Variants in ENAH observed in about 807,000 individuals in gnomAD.
ENAH encodes ENAH actin regulator, also known as protein enabled homolog.
ENAH carries 23 observed loss-of-function variants against 78.7 expected under a neutral mutation model. The observed-to-expected ratio is 0.29, with a 90% CI of 0.21 to 0.41. The LOEUF (loss-of-function observed/expected upper bound fraction) is 0.41, where lower values mean the gene tolerates loss of function less well. ENAH is among the 10% of genes least tolerant of loss of function. The pLI is 1.00. For missense variants in ENAH, 544 were observed against 691.0 expected, an observed-to-expected ratio of 0.79 and a Z score of 2.39; for synonymous variants, 226 against 241.0, an observed-to-expected ratio of 0.94 and a Z score of 0.58.
At chr1:225,519,139 A>C (rs926659967) in intron 5 of ENAH, 59 bp downstream of exon 5, 1 of 1,582,088 alleles carries the variant, frequency 6.3e-7, no homozygotes, top group Non-Finnish European at 8.6e-7. Flanking sequence ...ACATGACTGC[A>C]CAAGAGACAT....
chr1:225,607,528 A>C (rs1469096042), intron 1 of ENAH, among the ~76,000 whole-genome samples: 6 of 152,158 alleles, frequency 3.9e-5, no homozygotes, highest in Admixed American at 1.3e-4. Flanking sequence ...AAAAAAAAAA[A>C]AAAAACACCT....
In ENAH at chr1:225,487,038, T is replaced by C. The variant is rs747820326; in HGVS notation, c.*10737A>G. 5.2e-5 allele frequency: 8 copies of C among 152,666 alleles called. No homozygotes were observed. Among genetic ancestry groups the C allele is most frequent in the Non-Finnish European group, 8.8e-5 (6 of 68,050 alleles). The allele number at this position is 152,666 out of a possible 1,614,324, so 9.5% of individuals were successfully genotyped here. On this transcript the variant is annotated 3_prime_UTR_variant, in exon 14 of 14. Transcript: ENST00000366843. Reference sequence around the variant, plus strand: ...ACATGAGTCCAGTGACTTCAGCAGGTCCACTGATCCACCACAGTGACAGGG... The same window carrying C: ...ACATGAGTCCAGTGACTTCAGCAGGCCCACTGATCCACCACAGTGACAGGG...
chr1:225,512,214 G>A (rs1764347), intron 9 of ENAH, among the ~76,000 whole-genome samples: 14,030 of 152,298 alleles, frequency 0.092, 810 homozygotes, highest in South Asian at 0.25. Flanking sequence ...ACAAAGCAGA[G>A]TTTGCCCAGC....
intron 1 of ENAH, among the ~76,000 whole-genome samples, chr1:225,599,796 TAAAAA>T (rs34052384): frequency 2.4e-5 from 2 of 83,006 alleles, no homozygotes; most frequent in Non-Finnish European, 4.6e-5. Flanking sequence ...GACTCCGTCT[TAAAAA>T]AAAAAAAAAA....
rs2096247575 is a variant in ENAH at position 225,495,796 on chromosome 1, T to G, written c.*1979A>C. ...TAATAAGCTTGCTGCATCTTTGATG[T>G]TTTTACTACTACTGCATGACAATGA... On this transcript the variant is annotated 3_prime_UTR_variant, in exon 14 of 14. Transcript: ENST00000366843. 6.6e-6 allele frequency: 1 copy of G among 152,600 alleles called. No individual in the cohort carries two copies. The highest frequency in any genetic ancestry group is 2.4e-5 in the African/African-American group (1 of 41,446). 9.5% of individuals were successfully genotyped at this position (152,600 alleles called of 1,614,324 possible). A position where few individuals can be genotyped will look rare whatever the true frequency, so the allele number is the denominator to read the frequency against.
chr1:225,633,816 CA>C (rs1489323340), intron 1 of ENAH, among the ~76,000 whole-genome samples: 3 of 152,124 alleles, frequency 2.0e-5, no homozygotes, highest in Non-Finnish European at 4.4e-5. Flanking sequence ...TGTGAACAAA[CA>C]TTACCCAAAG....
Position 225,488,536 on chromosome 1 carries a change from T to C in ENAH, c.*9239A>G, listed in dbSNP as rs2096209221. On this transcript the variant is annotated 3_prime_UTR_variant, in exon 14 of 14. Transcript: ENST00000366843. ...CTCAAAAATTAAAAAAAAAATTCTA[T>C]GCAAATATGTAAGTACTGTCATTGA... 1 of 152,190 alleles carries C rather than the reference T, an allele frequency of 6.6e-6. No individual in the cohort carries two copies. Among genetic ancestry groups the C allele is most frequent in the African/African-American group, 2.4e-5 (1 of 41,452 alleles). The allele number at this position is 152,190 out of a possible 1,614,324, so 9.4% of individuals were successfully genotyped here. A position where few individuals can be genotyped will look rare whatever the true frequency, so the allele number is the denominator to read the frequency against.
intron 3 of ENAH, among the ~76,000 whole-genome samples, chr1:225,549,657 T>C (rs1033866326): frequency 7.2e-6 from 1 of 139,566 alleles, no homozygotes; most frequent in South Asian, 2.6e-4. Flanking sequence ...TGATTGGTTA[T>C]GTATACGCCA....
At position 225,496,297 on chromosome 1, in the gene ENAH, A is replaced by G. The variant is rs1387685027; in HGVS notation, c.*1478T>C. 2 of 152,266 alleles carry G rather than the reference A, an allele frequency of 1.3e-5. No individual in the cohort carries two copies. Among genetic ancestry groups the G allele is most frequent in the Non-Finnish European group, 1.5e-5 (1 of 68,044 alleles). The allele number at this position is 152,266 out of a possible 1,614,324, so 9.4% of individuals were successfully genotyped here. ...CGTGCGCGAGAGCACACACACGCAG[A>G]GTGGCAGGCAGAGTGTCTAATTCCT... On this transcript the variant is annotated 3_prime_UTR_variant, in exon 14 of 14. Transcript: ENST00000366843.
intron 3 of ENAH, among the ~76,000 whole-genome samples, chr1:225,538,788 G>C (rs532436503): frequency 6.6e-6 from 1 of 152,108 alleles, no homozygotes; most frequent in Non-Finnish European, 1.5e-5. Context: ...TTTGTAAGCC[G>C]TTTATTTTTA....
intron 1 of ENAH, among the ~76,000 whole-genome samples, chr1:225,594,886 A>AT (rs2147932474): frequency 6.6e-6 from 1 of 152,380 alleles, no homozygotes; most frequent in African/African-American, 2.4e-5. Context: ...TAGAAACTAC[A>AT]TATGCTCTCA....
chr1:225,629,162 C>G (rs1658511446), intron 1 of ENAH, among the ~76,000 whole-genome samples: 1 of 151,778 alleles, frequency 6.6e-6, no homozygotes, highest in Admixed American at 6.6e-5. Flanking sequence ...CCTGTAACAC[C>G]AGCTACTTGG....
At chr1:225,612,386 G>A (rs758121644) in intron 1 of ENAH, among the ~76,000 whole-genome samples, 1 of 152,172 alleles carries the variant, frequency 6.6e-6, no homozygotes, top group Non-Finnish European at 1.5e-5. Flanking sequence ...CAAATCCATG[G>A]AGACAGAAAG....
chr1:225,611,008 T>G (rs1331644237), intron 1 of ENAH, among the ~76,000 whole-genome samples: 2 of 152,170 alleles, frequency 1.3e-5, no homozygotes, highest in Non-Finnish European at 2.9e-5. Context: ...TGTGATTCTA[T>G]TCACATGAGT....
At chr1:225,531,221 A>G (rs2096535759) in intron 3 of ENAH, among the ~76,000 whole-genome samples, 1 of 152,136 alleles carries the variant, frequency 6.6e-6, no homozygotes, top group African/African-American at 2.4e-5. Context: ...ACTTCCATAT[A>G]GTAATTAACC....
intron 1 of ENAH, among the ~76,000 whole-genome samples, chr1:225,584,496 G>T (rs1012138404): frequency 6.6e-6 from 1 of 151,934 alleles, no homozygotes; most frequent in African/African-American, 2.4e-5. Flanking sequence ...GAATAACAAA[G>T]GACTGAAAAC....
chr1:225,516,321 CAA>C (rs1349438201), intron 6 of ENAH, among the ~76,000 whole-genome samples: 1 of 152,110 alleles, frequency 6.6e-6, no homozygotes, highest in Non-Finnish European at 1.5e-5. Context: ...ACTCCTCCTG[CAA>C]AGTCATAATG....
chr1:225,519,050 T>A (rs2096444504), intron 5 of ENAH, 148 bp downstream of exon 5: 2 of 1,205,740 alleles, frequency 1.7e-6, no homozygotes, highest in African/African-American at 3.0e-5. Context: ...AATGTTAAAG[T>A]AGTAATTGCT....
intron 2 of ENAH, among the ~76,000 whole-genome samples, chr1:225,559,032 G>T (rs964395595): frequency 3.3e-5 from 5 of 151,884 alleles, no homozygotes; most frequent in African/African-American, 1.2e-4. Flanking sequence ...CCTGAGTTCT[G>T]GCTGAAAAGT....
Sources: allele counts gnomAD v4.1 joint callset (sites outside exome capture counted in the v4.1 genomes callset), GRCh38; gene constraint gnomAD v4.1.1; transcripts MANE v1.5; gene names NCBI Gene and HGNC (gene_info 2026-07-23, HGNC 2026-07-21).